PKIB: variants seen among roughly 807,000 people sequenced by gnomAD.
PKIB encodes cAMP-dependent protein kinase inhibitor beta.
Under a neutral mutation model 4.5 loss-of-function variants are expected in PKIB, and 2 were observed. The observed-to-expected ratio is 0.44, with a 90% confidence interval of 0.18 to 1.39. The LOEUF is 1.39. Ranked by LOEUF, PKIB falls within the 40% of genes most tolerant of loss-of-function variation. PKIB has a pLI of 0.27. For synonymous variants in PKIB, 38 were observed against 36.0 expected, an observed-to-expected ratio of 1.06 and a Z score of -0.20; for missense variants, 94 against 92.6, an observed-to-expected ratio of 1.02 and a Z score of -0.06.
intron 3 of PKIB, chr6:122,701,625 C>T: frequency 8.9e-7 from 1 of 1,126,064 alleles, no homozygotes. Flanking sequence ...TCTCAGGTAC[C>T]CTTGCCAAAT....
At chr6:122,473,564 T>C (rs1271221251) in intron 1 of PKIB, among the ~76,000 whole-genome samples, 1 of 152,216 alleles carries the variant, frequency 6.6e-6, no homozygotes, top group East Asian at 1.9e-4. Context: ...AGTTATTATA[T>C]ATACAACATT....
At chr6:122,530,334 G>A (rs551651268) in intron 2 of PKIB, among the ~76,000 whole-genome samples, 28 of 152,070 alleles carry the variant, frequency 1.8e-4, no homozygotes, top group East Asian at 1.5e-3. Context: ...ATTGTTTTTG[G>A]TTTTGTTTAG....
At chr6:122,558,539 A>G (rs986102999) in intron 2 of PKIB, among the ~76,000 whole-genome samples, 3 of 152,226 alleles carry the variant, frequency 2.0e-5, no homozygotes, top group African/African-American at 7.2e-5. Flanking sequence ...TCCATTGTCA[A>G]GATGTTTGAT....
At chr6:122,526,929 A>G (rs1021494105) in intron 2 of PKIB, among the ~76,000 whole-genome samples, 2 of 152,186 alleles carry the variant, frequency 1.3e-5, no homozygotes, top group Non-Finnish European at 2.9e-5. Flanking sequence ...TTTTGTCTAC[A>G]TTAAAAATCT....
At chr6:122,672,639 A>G (rs1777512927) in intron 2 of PKIB, among the ~76,000 whole-genome samples, 1 of 152,098 alleles carries the variant, frequency 6.6e-6, no homozygotes, top group Non-Finnish European at 1.5e-5. Flanking sequence ...TGCATCGTAC[A>G]CTGAGGATCA....
chr6:122,496,466 A>T (rs1042109716), intron 2 of PKIB, among the ~76,000 whole-genome samples: 2 of 152,236 alleles, frequency 1.3e-5, no homozygotes, highest in African/African-American at 4.8e-5. Context: ...CACAAGATTT[A>T]AAATCAATAC....
intron 2 of PKIB, among the ~76,000 whole-genome samples, chr6:122,539,791 G>A (rs1377044254): frequency 9.2e-5 from 14 of 152,014 alleles, no homozygotes; most frequent in Non-Finnish European, 1.9e-4. Flanking sequence ...GTAGAATTCG[G>A]CTGTGAATCC....
intron 2 of PKIB, among the ~76,000 whole-genome samples, chr6:122,557,193 A>G (rs575248658): frequency 3.2e-4 from 48 of 152,334 alleles, no homozygotes; most frequent in African/African-American, 7.5e-4. Context: ...CCTGGGCAAA[A>G]GAGAAAAACT....
At chr6:122,541,970 C>T (rs957851603) in intron 2 of PKIB, among the ~76,000 whole-genome samples, 9 of 152,018 alleles carry the variant, frequency 5.9e-5, no homozygotes, top group East Asian at 5.8e-4. Flanking sequence ...TCCAGTTGAT[C>T]GCATCGGCTC....
At chr6:122,622,210 A>AT (rs1390398964) in intron 1 of PKIB, among the ~76,000 whole-genome samples, 4 of 152,058 alleles carry the variant, frequency 2.6e-5, no homozygotes, top group African/African-American at 7.2e-5. Flanking sequence ...GTTTTTCCCC[A>AT]TTTTTTTGTG....
intron 2 of PKIB, among the ~76,000 whole-genome samples, chr6:122,575,853 A>G (rs1397194447): frequency 6.6e-6 from 1 of 152,194 alleles, no homozygotes; most frequent in Non-Finnish European, 1.5e-5. Context: ...AGAATTTACC[A>G]TTAAAGAACT....
At chr6:122,625,919 A>G (rs894772949) in intron 1 of PKIB, among the ~76,000 whole-genome samples, 1 of 152,060 alleles carries the variant, frequency 6.6e-6, no homozygotes, top group Non-Finnish European at 1.5e-5. Flanking sequence ...AAATACAACA[A>G]TTAGTCAGGT....
intron 3 of PKIB, among the ~76,000 whole-genome samples, chr6:122,705,723 G>A (rs181302979): frequency 1.5e-4 from 23 of 151,820 alleles, no homozygotes; most frequent in African/African-American, 3.1e-4. Context: ...ATGCCACCAC[G>A]CCCAGCTAAT....
chr6:122,516,578 A>C (rs979782950), intron 2 of PKIB, among the ~76,000 whole-genome samples: 3 of 152,184 alleles, frequency 2.0e-5, no homozygotes, highest in African/African-American at 4.8e-5. Context: ...CTGTGTTCCC[A>C]GTTCTGATTA....
chr6:122,707,256 A>G (rs963638529), intron 3 of PKIB, among the ~76,000 whole-genome samples: 13 of 152,018 alleles, frequency 8.6e-5, no homozygotes, highest in Non-Finnish European at 1.8e-4. Flanking sequence ...TTTTGTTCCC[A>G]TAATTTTGAT....
chr6:122,594,311 G>A (rs1165417609), intron 3 of PKIB, among the ~76,000 whole-genome samples: 2 of 151,648 alleles, frequency 1.3e-5, no homozygotes, highest in Admixed American at 6.6e-5. Context: ...GGGTTCAAGC[G>A]ATTCTCCTGC....
chr6:122,691,467 T>C (rs1252603307), intron 3 of PKIB, among the ~76,000 whole-genome samples: 1 of 152,206 alleles, frequency 6.6e-6, no homozygotes, highest in Non-Finnish European at 1.5e-5. Flanking sequence ...ATTCTGCTAT[T>C]AAGAGACTCT....
intron 2 of PKIB, among the ~76,000 whole-genome samples, chr6:122,649,731 G>A (rs995016015): frequency 6.6e-6 from 1 of 152,142 alleles, no homozygotes; most frequent in Admixed American, 6.5e-5. Context: ...CCATGGTGAG[G>A]TGTTCAGTTT....
At chr6:122,548,721 T>C (rs1198494375) in intron 2 of PKIB, among the ~76,000 whole-genome samples, 2 of 152,172 alleles carry the variant, frequency 1.3e-5, no homozygotes, top group African/African-American at 4.8e-5. Context: ...TTAAATTACA[T>C]TGTTCAGAAT....
Sources: allele counts gnomAD v4.1 joint callset (sites outside exome capture counted in the v4.1 genomes callset), GRCh38; gene constraint gnomAD v4.1.1; transcripts MANE v1.5; gene names NCBI Gene and HGNC (gene_info 2026-07-23, HGNC 2026-07-21).